The following TMEM117 variants were observed in gnomAD, a reference collection of about 807,000 sequenced individuals.
TMEM117 encodes transmembrane protein 117.
In TMEM117, 27 loss-of-function variants were observed where a neutral mutation model predicts 52.4. The ratio of observed to expected loss-of-function variants is 0.51; its 90% CI spans 0.38 to 0.71. TMEM117 has a LOEUF of 0.71. TMEM117 is among the 30% of genes least tolerant of loss of function. The pLI is 0.00. For synonymous variants in TMEM117, 215 were observed against 206.3 expected, an observed-to-expected ratio of 1.04 and a Z score of -0.36; for missense variants, 556 against 630.5, an observed-to-expected ratio of 0.88 and a Z score of 1.26.
chr12:44,147,793 A>G (rs1361152700), intron 4 of TMEM117, among the ~76,000 whole-genome samples: 3 of 151,994 alleles, frequency 2.0e-5, no homozygotes. Context: ...TTAGCTGGAT[A>G]TAGTGGCACA....
At chr12:43,987,907 A>G (rs1271721277) in intron 3 of TMEM117, among the ~76,000 whole-genome samples, 1 of 152,154 alleles carries the variant, frequency 6.6e-6, no homozygotes, top group Non-Finnish European at 1.5e-5. Context: ...AGGAAAACAC[A>G]TGAATGTTTG....
intron 3 of TMEM117, among the ~76,000 whole-genome samples, chr12:43,956,220 A>G (rs947323894): frequency 1.3e-5 from 2 of 152,234 alleles, no homozygotes; most frequent in African/African-American, 4.8e-5. Context: ...ACCATTCAGG[A>G]CATAGGCATG....
chr12:43,800,533 A>G, the TMEM117 span: 1 of 1,611,242 alleles, frequency 6.2e-7, no homozygotes, highest in African/African-American at 1.3e-5. Flanking sequence ...TGACGAACCT[A>G]TTCAGTTGTG....
At chr12:44,059,384 TC>T (rs764797438) in intron 3 of TMEM117, among the ~76,000 whole-genome samples, 27 of 152,190 alleles carry the variant, frequency 1.8e-4, no homozygotes, top group Admixed American at 8.5e-4. Flanking sequence ...ATCACTTTTT[TC>T]CCCAGAATCT....
At chr12:43,936,849 G>T (rs1351418226) in intron 2 of TMEM117, among the ~76,000 whole-genome samples, 3 of 152,116 alleles carry the variant, frequency 2.0e-5, no homozygotes, top group African/African-American at 7.2e-5. Flanking sequence ...CTCGGTAAGT[G>T]GGTGTGATAA....
intron 3 of TMEM117, among the ~76,000 whole-genome samples, chr12:44,010,485 A>T (rs552954733): frequency 6.6e-6 from 1 of 150,974 alleles, no homozygotes; most frequent in African/African-American, 2.4e-5. Context: ...CTATCCCTCC[A>T]CCTCCCAGAG....
chr12:44,385,428 C>A (rs949261559), intron 7 of TMEM117, among the ~76,000 whole-genome samples: 6 of 152,018 alleles, frequency 3.9e-5, no homozygotes, highest in South Asian at 4.2e-4. Context: ...GAGAAAGAAA[C>A]CTTTGGGAGT....
intron 3 of TMEM117, among the ~76,000 whole-genome samples, chr12:44,096,054 G>A (rs1156663750): frequency 6.6e-6 from 1 of 152,088 alleles, no homozygotes; most frequent in Non-Finnish European, 1.5e-5. Flanking sequence ...AAAATCACAA[G>A]CATTCTTATA....
chr12:44,288,122 T>G (rs1373809142), intron 5 of TMEM117, among the ~76,000 whole-genome samples: 4 of 152,136 alleles, frequency 2.6e-5, no homozygotes, highest in Admixed American at 6.5e-5. Flanking sequence ...GTCTATCAAT[T>G]TTACAAGAAG....
intron 3 of TMEM117, among the ~76,000 whole-genome samples, chr12:44,021,778 C>T (rs552847282): frequency 1.3e-5 from 2 of 152,270 alleles, no homozygotes; most frequent in African/African-American, 4.8e-5. Flanking sequence ...AAGTTCTCCT[C>T]CCCTGGAGAT....
the TMEM117 span, among the ~76,000 whole-genome samples, chr12:43,825,117 TA>T: frequency 0.041 from 6,244 of 152,350 alleles, 179 homozygotes; most frequent in Non-Finnish European, 0.057. Context: ...CATGAGAAGC[TA>T]AACATTCTGT....
At chr12:44,321,459 C>T (rs1466291294) in intron 6 of TMEM117, among the ~76,000 whole-genome samples, 1 of 152,132 alleles carries the variant, frequency 6.6e-6, no homozygotes, top group Non-Finnish European at 1.5e-5. Flanking sequence ...AATGCAAAGT[C>T]ACCAGGAAGA....
chr12:44,006,664 G>T (rs1487608241), intron 3 of TMEM117, among the ~76,000 whole-genome samples: 2 of 152,096 alleles, frequency 1.3e-5, no homozygotes, highest in African/African-American at 2.4e-5. Context: ...AATTTAGATG[G>T]CTGGGGGCGG....
chr12:44,188,891 C>G (rs7312930), intron 4 of TMEM117, among the ~76,000 whole-genome samples: 39,777 of 151,970 alleles, frequency 0.26, 9,254 homozygotes, highest in African/African-American at 0.63. Context: ...GATGTAGCCC[C>G]AGTCTAGAAA....
chr12:43,857,401 C>T (rs537433651), intron 2 of TMEM117, among the ~76,000 whole-genome samples: 1 of 151,776 alleles, frequency 6.6e-6, no homozygotes, highest in South Asian at 2.1e-4. Context: ...ATTGCCTCCA[C>T]GTCCTTTTCT....
intron 4 of TMEM117, among the ~76,000 whole-genome samples, chr12:44,159,415 A>C (rs1250328515): frequency 1.3e-5 from 2 of 152,140 alleles, no homozygotes; most frequent in African/African-American, 2.4e-5. Flanking sequence ...TTTTAACCAA[A>C]AACTGCAGAT....
intron 4 of TMEM117, among the ~76,000 whole-genome samples, chr12:44,174,385 G>A (rs1949090299): frequency 6.6e-6 from 1 of 152,138 alleles, no homozygotes; most frequent in Non-Finnish European, 1.5e-5. Flanking sequence ...GGCCCCAAAA[G>A]CCAAAAATAT....
chr12:43,976,496 C>T (rs1212374889), intron 3 of TMEM117, among the ~76,000 whole-genome samples: 1 of 152,068 alleles, frequency 6.6e-6, no homozygotes, highest in African/African-American at 2.4e-5. Flanking sequence ...CATTGTCGAC[C>T]CCCTGAGTAG....
chr12:44,001,672 A>G (rs747758037), intron 3 of TMEM117, among the ~76,000 whole-genome samples: 6 of 151,946 alleles, frequency 3.9e-5, no homozygotes, highest in Admixed American at 6.6e-5. Flanking sequence ...TTCAGCATCT[A>G]GTATATGTGA....
Sources: allele counts gnomAD v4.1 joint callset (sites outside exome capture counted in the v4.1 genomes callset), GRCh38; gene constraint gnomAD v4.1.1; transcripts MANE v1.5; gene names NCBI Gene and HGNC (gene_info 2026-07-23, HGNC 2026-07-21).